MZF1: variants seen among roughly 807,000 people sequenced by gnomAD.
MZF1 encodes zinc finger and SCAN domain-containing protein 6.
MZF1 carries 24 observed loss-of-function variants against 28.6 expected under a neutral mutation model. The observed-to-expected ratio is 0.84, with a 90% CI of 0.61 to 1.18. The LOEUF is 1.18. MZF1 is among the 50% of genes most tolerant of loss of function. The probability of loss-of-function intolerance (pLI) is 0.00; values close to 1 mark genes in which losing one functional copy is unlikely to be tolerated. For synonymous variants in MZF1, 516 were observed against 432.5 expected (o/e 1.19, Z -2.40); for missense variants, 1,166 against 1,026.4 (o/e 1.14, Z -1.86).
Position 58,572,602 on chromosome 19 carries a change from G to A in MZF1, c.-41+453C>T, listed in dbSNP as rs1401856857. On this transcript the variant is annotated intron_variant, in intron 1 of 5. Transcript: ENST00000215057. ...GCTGCGGCTTTAGGAAGGAATCTGC[G>A]TTTATGAAGGGGATGGCACCGCAGA... 3.1e-6 allele frequency: 4 copies of A among 1,289,614 alleles called. No individual in the cohort carries two copies. In the African/African-American group the frequency reaches 6.1e-5, roughly 20 times the overall value. 79.9% of individuals were successfully genotyped at this position (1,289,614 alleles called of 1,614,324 possible).
intron 5 of MZF1, among the ~76,000 whole-genome samples, chr19:58,567,161 G>A (rs982767955): frequency 6.6e-6 from 1 of 152,160 alleles, no homozygotes; most frequent in African/African-American, 2.4e-5. Context: ...ACCTGCCTCC[G>A]CCTCCCAAAG....
In MZF1 at chr19:58,569,587, C is replaced by G. The variant is rs2054119524; in HGVS notation, c.581-1G>C. ...GCTAGAGGCCCAGACTCCAGGAAAT[C>G]TAGAGAGGAAAACTGGTATCAGGCA... On this transcript the variant is annotated splice_acceptor_variant, in intron 3 of 5. Transcript: ENST00000215057. LOFTEE classifies it high-confidence loss of function. 1.9e-6 allele frequency: 3 copies of G among 1,599,112 alleles called. No homozygotes were observed. Among genetic ancestry groups the G allele is most frequent in the Non-Finnish European group, 2.6e-6 (3 of 1,171,194 alleles).
intron 2 of MZF1, 170 bp downstream of exon 2, chr19:58,570,822 CTG>C: frequency 1.4e-6 from 1 of 722,004 alleles, no homozygotes; most frequent in African/African-American, 1.8e-5. Flanking sequence ...GCTGGGGAGT[CTG>C]GCCCTGGAAT....
intron 5 of MZF1, among the ~76,000 whole-genome samples, chr19:58,565,635 C>A (rs963700193): frequency 6.6e-6 from 1 of 151,890 alleles, no homozygotes; most frequent in Admixed American, 6.5e-5. Context: ...CGGGTTCACG[C>A]CATTCTCCTG....
At chr19:58,564,746 A>T (rs2054005921) in intron 5 of MZF1, 1 of 152,144 alleles carries the variant, frequency 6.6e-6, no homozygotes, top group Non-Finnish European at 1.5e-5. Flanking sequence ...AGTGACCTAC[A>T]TACAAGGTTT....
At chr19:58,567,371 G>A (rs975409539) in intron 5 of MZF1, among the ~76,000 whole-genome samples, 17 of 152,338 alleles carry the variant, frequency 1.1e-4, no homozygotes, top group African/African-American at 3.8e-4. Context: ...CCAACAGTAT[G>A]CACTGCCATG....
At chr19:58,568,136 T>C (rs376036577) in intron 5 of MZF1, 1 of 152,020 alleles carries the variant, frequency 6.6e-6, no homozygotes. Context: ...TCCCAGATAC[T>C]TGGGAGGCTG....
intron 4 of MZF1, 34 bp downstream of exon 4, chr19:58,569,482 A>C (rs745333560): frequency 1.9e-6 from 3 of 1,613,074 alleles, no homozygotes; most frequent in Non-Finnish European, 1.7e-6. Context: ...ACTTCCAGGG[A>C]AAGGAGGAGA....
Position 58,570,513 on chromosome 19 carries a change from C to A in MZF1, c.411G>T (p.Val137=), listed in dbSNP as rs1044520183. 1.2e-6 allele frequency: 2 copies of A among 1,612,704 alleles called. No homozygotes were observed. Among genetic ancestry groups the A allele is most frequent in the African/African-American group, 1.3e-5 (1 of 74,974 alleles). ...TCTCTGATAGGACCTCCTGGCCCTG[C>A]ACCTGGACTGTGACCTGGGGAGGTG... is the stretch of plus-strand genomic sequence containing the variant. ...GGPRRWVTVQ[V]QGQEVLSEKM... is the part of the protein sequence containing the mutation. The change falls in exon 3 of 6, where the codon GTG becomes GTT. Residue 137 remains valine (V), a synonymous_variant. Coordinates refer to ENST00000215057, the MANE Select transcript of MZF1 (RefSeq NM_198055.2).
Position 58,571,184 on chromosome 19 carries a change from C to T in MZF1, c.206G>A (p.Cys69Tyr), listed in dbSNP as rs571328177. ...TACCTCTGGACGCAGCCACTGGCGA[C>T]ACAGCTCTCGGAGCTGGGCCAGGGC... ...QEALAQLREL[C>Y]RQWLRPEVRS... is the part of the protein sequence containing the mutation. Residue 69 changes from cysteine to tyrosine, a missense_variant, in exon 2 of 6, where the codon TGT (cysteine) becomes TAT (tyrosine). Cys to Tyr is a radical substitution (Grantham distance 194). Coordinates refer to ENST00000215057, the MANE Select transcript of MZF1 (RefSeq NM_198055.2). 2.5e-5 allele frequency: 41 copies of T among 1,613,614 alleles called. No homozygotes were observed. In the East Asian group the frequency reaches 9.1e-4, roughly 36 times the overall value.
Position 58,562,015 on chromosome 19 carries a change from A to C in MZF1, c.*57T>G, listed in dbSNP as rs1475214363. On this transcript the variant is annotated 3_prime_UTR_variant, in exon 6 of 6. Coordinates refer to ENST00000215057, the MANE Select transcript of MZF1 (RefSeq NM_198055.2). ...TACTTATGTAATCGCCAGCCTCACA[A>C]TAACCAGGGGAGGTAGGTGTTCTGA... 17 of 1,504,084 alleles carry C rather than the reference A, an allele frequency of 1.1e-5. No individual in the cohort carries two copies. The highest frequency in any genetic ancestry group is 2.8e-5 in the African/African-American group (2 of 72,216). The allele number at this position is 1,504,084 out of a possible 1,614,324, so 93.2% of individuals were successfully genotyped here.
At chr19:58,570,258 C>A (rs1303856723) in intron 3 of MZF1, 86 bp downstream of exon 3, 2 of 1,383,810 alleles carry the variant, frequency 1.4e-6, no homozygotes, top group African/African-American at 1.5e-5. Flanking sequence ...CAAACCTGGC[C>A]CAGTGGACTT....
intron 3 of MZF1, chr19:58,569,995 C>G: frequency 3.2e-6 from 1 of 309,316 alleles, no homozygotes; most frequent in South Asian, 5.9e-5. Context: ...CCTAATTATA[C>G]CTCTGCCTGC....
chr19:58,562,739 A>C lies in MZF1; in HGVS notation c.1538T>G (p.Phe513Cys). The change falls in exon 6 of 6, where the codon TTT becomes TGT. Residue 513 changes from phenylalanine (F) to cysteine (C), a missense_variant. Phe to Cys is a radical substitution (Grantham distance 205). Transcript: ENST00000215057. ...GCGCTCGCCGCACTCGACGCAGCCA[A>C]AGGACTTGTCGCCCGTGTGTACCGC... ...HQAVHTGDKS[F>C]GCVECGERFG... is the part of the protein sequence containing the mutation. 6.5e-7 allele frequency: 1 copy of C among 1,536,300 alleles called. No homozygotes were observed. Among genetic ancestry groups the C allele is most frequent in the East Asian group, 2.4e-5 (1 of 40,998 alleles).
intron 5 of MZF1, among the ~76,000 whole-genome samples, chr19:58,566,172 C>T (rs1303959896): frequency 1.3e-5 from 2 of 149,498 alleles, no homozygotes; most frequent in African/African-American, 2.5e-5. Flanking sequence ...ATGGGCCAGG[C>T]ATGGTGGCTC....
intron 5 of MZF1, among the ~76,000 whole-genome samples, chr19:58,566,284 TA>T: frequency 6.7e-6 from 1 of 149,798 alleles, no homozygotes; most frequent in East Asian, 2.0e-4. Context: ...CCGTCTCTAC[TA>T]AAAAAATACA....
At chr19:58,572,586 T>G (rs757381916) in intron 1 of MZF1, 2 of 1,289,740 alleles carry the variant, frequency 1.6e-6, no homozygotes, top group Admixed American at 4.6e-5. Context: ...AGCTGCGGCT[T>G]TAGGAAGGAA....
At chr19:58,567,456 G>A (rs891238202) in intron 5 of MZF1, among the ~76,000 whole-genome samples, 1 of 152,238 alleles carries the variant, frequency 6.6e-6, no homozygotes, top group Non-Finnish European at 1.5e-5. Flanking sequence ...GAGAAAGTCA[G>A]GGTTATTAGG....
intron 1 of MZF1, chr19:58,571,650 G>A (rs1034978367): frequency 6.1e-6 from 3 of 490,290 alleles, no homozygotes; most frequent in Non-Finnish European, 1.1e-5. Flanking sequence ...CCTGTGCAAA[G>A]TCTCTGACAG....
Sources: allele counts gnomAD v4.1 joint callset (sites outside exome capture counted in the v4.1 genomes callset), GRCh38; gene constraint gnomAD v4.1.1; transcripts MANE v1.5; gene names NCBI Gene and HGNC (gene_info 2026-07-23, HGNC 2026-07-21).